Variants in FRMPD4 observed in about 807,000 individuals in gnomAD.
FRMPD4 encodes FERM and PDZ domain containing 4.
FRMPD4 carries 22 observed loss-of-function variants against 94.1 expected under a neutral mutation model. That is an observed-to-expected ratio of 0.23 (90% CI 0.17 to 0.33). FRMPD4 has a LOEUF of 0.33. Ranked by LOEUF, FRMPD4 falls within the 10% of genes least tolerant of loss-of-function variation. The pLI is 1.00. For synonymous variants in FRMPD4, 631 were observed against 548.6 expected (o/e 1.15, Z -2.10); for missense variants, 1,111 against 1,339.9 (o/e 0.83, Z 2.67).
intron 3 of FRMPD4, among the ~76,000 whole-genome samples, chrX:12,029,172 G>T (rs915528843): frequency 8.9e-6 from 1 of 112,129 alleles, no homozygotes; most frequent in Admixed American, 9.5e-5. Context: ...ATTTTGGTCA[G>T]TCTAATAGGT....
At chrX:11,924,059 A>G (rs1216754809) in intron 3 of FRMPD4, among the ~76,000 whole-genome samples, 1 of 112,360 alleles carries the variant, frequency 8.9e-6, no homozygotes, top group Non-Finnish European at 1.9e-5. Flanking sequence ...GAGTTGACAG[A>G]TCAAATAGCC....
intron 1 of FRMPD4, among the ~76,000 whole-genome samples, chrX:11,861,723 T>C (rs1170149770): frequency 1.8e-5 from 2 of 112,200 alleles, no homozygotes. Context: ...ATAGAGGTTC[T>C]AAGGTGAGAG....
intron 3 of FRMPD4, among the ~76,000 whole-genome samples, chrX:11,887,707 G>A (rs2053853619): frequency 8.9e-6 from 1 of 111,861 alleles, no homozygotes; most frequent in Admixed American, 9.5e-5. Flanking sequence ...TCTATGTGCT[G>A]GTAGGAAGGT....
intron 2 of FRMPD4, among the ~76,000 whole-genome samples, chrX:12,506,752 CAT>C (rs1465331569): frequency 8.9e-6 from 1 of 112,496 alleles, no homozygotes; most frequent in African/African-American, 3.2e-5. Flanking sequence ...CTTAGACATG[CAT>C]ATGTCTTTCA....
intron 3 of FRMPD4, among the ~76,000 whole-genome samples, chrX:12,118,339 A>C (rs2055426037): frequency 9.0e-6 from 1 of 111,579 alleles, no homozygotes; most frequent in Non-Finnish European, 1.9e-5. Context: ...AGACATTTTT[A>C]AAAGTGCCTA....
rs1195164810 is a variant in FRMPD4 at position 12,718,318 on chromosome X, T to A, written c.3492T>A (p.Asp1164Glu). The change falls in exon 16 of 17, where the codon GAT (aspartate) becomes GAA (glutamate). Residue 1164 changes from aspartate to glutamate, a missense_variant. Around this residue, in one of 8 missense-constraint regions of FRMPD4, gnomAD observed 551 missense variants for 591.6 expected, o/e 0.93. Coordinates refer to ENST00000675598, the MANE Select transcript of FRMPD4 (RefSeq NM_001368397.1). ...GTGCATCTTCAGCCAAAGACTTAGATAACCCAGAGGACGCTGACTCGTCCA... is the reference window on the plus strand; with the variant it reads ...GTGCATCTTCAGCCAAAGACTTAGAAAACCCAGAGGACGCTGACTCGTCCA... ...VTCASSAKDLDNPEDADSSTC... is the reference protein window; with the variant it reads ...VTCASSAKDLENPEDADSSTC... 2 of 1,209,636 alleles carry A rather than the reference T, an allele frequency of 1.7e-6. No homozygotes were observed. Among genetic ancestry groups the A allele is most frequent in the African/African-American group, 3.5e-5 (2 of 57,185 alleles).
chrX:12,171,800 C>G (rs1053078666), intron 1 of FRMPD4, among the ~76,000 whole-genome samples: 2 of 111,906 alleles, frequency 1.8e-5, no homozygotes, highest in African/African-American at 6.5e-5. Context: ...GTCATATCAA[C>G]GGCTACCAGA....
At chrX:11,905,633 T>C (rs1332337778) in intron 3 of FRMPD4, among the ~76,000 whole-genome samples, 3 of 111,296 alleles carry the variant, frequency 2.7e-5, no homozygotes, top group Non-Finnish European at 5.7e-5. Context: ...AGAACACTTA[T>C]ATTTGAATGC....
chrX:12,198,712 A>G lies in FRMPD4; in HGVS notation c.41+59700A>G, dbSNP rs2056594520. ...CTTAAGGCATTCAAATGTCATTTCC[A>G]TTAGACTTCGCAGACTTTTCCAGGC... is the stretch of plus-strand genomic sequence containing the variant. On this transcript the variant is annotated intron_variant, in intron 1 of 16. Transcript: ENST00000675598. 2.7e-5 allele frequency among the ~76,000 whole-genome samples: 3 copies of G among 112,477 alleles called. No homozygotes were observed. In the South Asian group the frequency reaches 1.1e-3, roughly 42 times the overall value.
At chrX:12,368,367 A>AAGTT (rs771300981) in intron 1 of FRMPD4, among the ~76,000 whole-genome samples, 2 of 112,379 alleles carry the variant, frequency 1.8e-5, no homozygotes, top group East Asian at 5.6e-4. Flanking sequence ...TGTACCACCA[A>AAGTT]AGTTAGAAAA....
intron 1 of FRMPD4, among the ~76,000 whole-genome samples, chrX:12,288,175 G>C (rs888107547): frequency 1.8e-5 from 2 of 112,016 alleles, no homozygotes; most frequent in Non-Finnish European, 3.8e-5. Context: ...TGATATTACT[G>C]TGACTGCTTT....
In FRMPD4 at chrX:12,014,781, A is replaced by G. The variant is rs1280482573; in HGVS notation, c.95+136763A>G. ...TAGCTGCTGAAAATATACAGCATCA[A>G]GTACTCTGTGATTTTTATTGAGTAT... On this transcript the variant is annotated intron_variant, in intron 3 of 18. Transcript: ENST00000640291. 1.0e-3 allele frequency among the ~76,000 whole-genome samples: 112 copies of G among 111,527 alleles called. 2 individuals are homozygous for G. In the Admixed American group the frequency reaches 0.011, roughly 11 times the overall value.
chrX:11,888,219 C>T (rs1255161489), intron 3 of FRMPD4, among the ~76,000 whole-genome samples: 1 of 111,739 alleles, frequency 8.9e-6, no homozygotes, highest in Non-Finnish European at 1.9e-5. Flanking sequence ...AAGATGATCA[C>T]TATGTACATC....
chrX:12,585,007 G>A (rs758012447), intron 2 of FRMPD4, among the ~76,000 whole-genome samples: 1 of 111,087 alleles, frequency 9.0e-6, no homozygotes, highest in Non-Finnish European at 1.9e-5. Context: ...TGCAACCTCC[G>A]CCTTCCGAGT....
Position 12,419,555 on chromosome X carries a change from A to T in FRMPD4, c.42-79125A>T, listed in dbSNP as rs768558572. Among the ~76,000 whole-genome samples, 5 of 111,336 alleles carry T rather than the reference A, an allele frequency of 4.5e-5. No individual in the cohort carries two copies. The South Asian group carries it at 1.9e-3, about 43-fold the overall frequency. On this transcript the variant is annotated intron_variant, in intron 1 of 16. Coordinates refer to ENST00000675598, the MANE Select transcript of FRMPD4 (RefSeq NM_001368397.1). The stretch of plus-strand genomic sequence containing the variant: ...GTAGATGTAAGCAACATGCACAAAA[A>T]CTCTTCGGGGGTCCTCAAAAATGTT...
intron 1 of FRMPD4, among the ~76,000 whole-genome samples, chrX:12,302,644 T>G (rs1434398577): frequency 1.8e-5 from 2 of 111,737 alleles, no homozygotes; most frequent in Non-Finnish European, 3.8e-5. Context: ...AGTCTATTCC[T>G]TATACTTGGG....
intron 1 of FRMPD4, among the ~76,000 whole-genome samples, chrX:12,461,011 T>C (rs2057385615): frequency 8.9e-6 from 1 of 112,278 alleles, no homozygotes; most frequent in Admixed American, 9.4e-5. Flanking sequence ...TACTCTCTCT[T>C]ATACAAAATA....
At chrX:12,596,225 T>G (rs148576009) in intron 2 of FRMPD4, among the ~76,000 whole-genome samples, 3,466 of 111,339 alleles carry the variant, frequency 0.031, 143 homozygotes, top group African/African-American at 0.11. Flanking sequence ...TCACTTGGAA[T>G]GCCTATTAAA....
intron 13 of FRMPD4, among the ~76,000 whole-genome samples, chrX:12,709,437 T>C (rs190136383): frequency 1.2e-4 from 14 of 112,140 alleles, no homozygotes; most frequent in Admixed American, 1.1e-3. Context: ...TCCAACACTT[T>C]TTTTTCCCTA....
Sources: gnomAD v4.1 joint callset for allele counts (sites outside exome capture counted in the v4.1 genomes callset) on GRCh38, gnomAD v4.1.1 for gene constraint, gnomAD v4.1.1 regional missense constraint, MANE v1.5 for transcripts, NCBI Gene and HGNC (gene_info 2026-07-23, HGNC 2026-07-21) for gene names.